Variants in PRRG3 observed in about 807,000 individuals in gnomAD.
PRRG3 encodes the protein transmembrane gamma-carboxyglutamic acid protein 3.
In PRRG3, 21 loss-of-function variants were observed where a neutral mutation model predicts 15.8. That is an observed-to-expected ratio of 1.33 (90% CI 0.94 to 1.92). PRRG3 has a LOEUF of 1.92. PRRG3 is among the 40% of genes most tolerant of loss of function. The probability of loss-of-function intolerance (pLI) is 0.00; values close to 1 mark genes in which losing one functional copy is unlikely to be tolerated. For synonymous variants in PRRG3, 125 were observed against 84.1 expected, an observed-to-expected ratio of 1.49 and a Z score of -2.66; for missense variants, 251 against 200.2, an observed-to-expected ratio of 1.25 and a Z score of -1.53.
upstream of PRRG3, chrX:151,695,309 G>A (rs1427223192): frequency 1.8e-5 from 2 of 111,074 alleles, no homozygotes; most frequent in African/African-American, 6.5e-5. Context: ...CGGCTGCGAG[G>A]GGCGGGGGTT....
In PRRG3 at chrX:151,702,326, G is replaced by A. The variant is rs2014900224; in HGVS notation, c.*1293G>A. On this transcript the variant is annotated 3_prime_UTR_variant, in exon 4 of 4. Coordinates refer to ENST00000674457, the MANE Select transcript of PRRG3 (RefSeq NM_001372163.1). ...AATATCTCTCTAAGGCAGACATTGGGACTCATTTCCTTGAATGCAGCCCTG... is the reference window on the plus strand; with the variant it reads ...AATATCTCTCTAAGGCAGACATTGGAACTCATTTCCTTGAATGCAGCCCTG... 8.9e-6 allele frequency: 1 copy of A among 112,428 alleles called. No homozygotes were observed. Among genetic ancestry groups the A allele is most frequent in the Non-Finnish European group, 1.9e-5 (1 of 53,301 alleles). The allele number at this position is 112,428 out of a possible 1,213,427, so 9.3% of individuals were successfully genotyped here. A position where few individuals can be genotyped will look rare whatever the true frequency, so the allele number is the denominator to read the frequency against.
At position 151,704,743 on chromosome X, in the gene PRRG3, G is replaced by C. The variant is rs1466728791; in HGVS notation, c.*3710G>C. ...GACAAGTAATGAAGCTCCATTTCAGGACTTCATCGATTCCGAAACAAGCAC... is the reference window on the plus strand; with the variant it reads ...GACAAGTAATGAAGCTCCATTTCAGCACTTCATCGATTCCGAAACAAGCAC... On this transcript the variant is annotated 3_prime_UTR_variant, in exon 4 of 4. Coordinates refer to ENST00000674457, the MANE Select transcript of PRRG3 (RefSeq NM_001372163.1). The C allele has an allele frequency of 9.0e-6, 1 of 111,244 alleles. No homozygotes were observed. The highest frequency in any genetic ancestry group is 3.3e-5 in the African/African-American group (1 of 30,316). 9.2% of individuals were successfully genotyped at this position (111,244 alleles called of 1,213,427 possible).
At chrX:151,698,690 G>C in intron 1 of PRRG3, 94 bp from the exon 2 acceptor site, 1 of 661,959 alleles carries the variant, frequency 1.5e-6, no homozygotes, top group South Asian at 2.8e-5. Context: ...TTTTGACCAC[G>C]CCAGTGGGAG....
rs766033689 is a variant in PRRG3, at chrX:151,700,120, G to A, written c.132G>A (p.Glu44=). ...RECMEEICSY[E]EVKEVFENKE... ...GCATGGAGGAGATCTGCAGCTACGA[G>A]GAGGTCAAGGAAGTGTTTGAGAACA... Residue 44 remains glutamate, a synonymous_variant, in exon 3 of 4, where the codon GAG becomes GAA. Transcript: ENST00000674457. The A allele has an allele frequency of 9.9e-6, 12 of 1,210,368 alleles. No individual in the cohort carries two copies. The highest frequency in any genetic ancestry group is 1.3e-5 in the Non-Finnish European group (12 of 895,376).
chrX:151,698,231 A>T (rs1025138323), intron 1 of PRRG3: 1 of 112,158 alleles, frequency 8.9e-6, no homozygotes. Context: ...GAGATGGTTG[A>T]TGCTGTGTTA....
intron 2 of PRRG3, 100 bp downstream of exon 2, chrX:151,698,921 C>A (rs1322983512): frequency 5.0e-6 from 4 of 795,668 alleles, no homozygotes; most frequent in African/African-American, 2.0e-5. Context: ...CCCTACCCCC[C>A]AAGTGGGCCT....
chrX:151,695,590 G>A (rs1384293384), intron 1 of PRRG3, 46 bp downstream of exon 1: 1 of 112,148 alleles, frequency 8.9e-6, no homozygotes, highest in Non-Finnish European at 1.9e-5. Context: ...GGCACGGTTC[G>A]GTATCCAGGG....
Position 151,698,798 on chromosome X carries a change from G to T in PRRG3, c.-17G>T. The T allele has an allele frequency of 8.3e-7, 1 of 1,205,371 alleles. No homozygotes were observed. The highest frequency in any genetic ancestry group is 1.1e-6 in the Non-Finnish European group (1 of 891,368). On this transcript the variant is annotated 5_prime_UTR_variant, in exon 2 of 4. Transcript: ENST00000674457. ...TCTTACTCCAGAGAAGTGAGACCCT[G>T]CAGCTGAGGGAGCATCATGGCAGGT...
At position 151,701,949 on chromosome X, in the gene PRRG3, G is replaced by C. The variant is rs1035821705; in HGVS notation, c.*916G>C. On this transcript the variant is annotated 3_prime_UTR_variant, in exon 4 of 4. Coordinates refer to ENST00000674457, the MANE Select transcript of PRRG3 (RefSeq NM_001372163.1). ...GCGCATCTCAGGAGAAGATCCTAAA[G>C]TGTCCCTTTTAAAACATTTATTTGT... 8.9e-6 allele frequency: 1 copy of C among 112,693 alleles called. No homozygotes were observed. The highest frequency in any genetic ancestry group is 3.2e-5 in the African/African-American group (1 of 31,008). The allele number at this position is 112,693 out of a possible 1,213,427, so 9.3% of individuals were successfully genotyped here. A position where few individuals can be genotyped will look rare whatever the true frequency, so the allele number is the denominator to read the frequency against.
chrX:151,703,304 CTG>C lies in PRRG3; in HGVS notation c.*2273_*2274del, dbSNP rs1028215865. The C allele has an allele frequency of 8.9e-6, 1 of 112,314 alleles. No individual in the cohort carries two copies. Among genetic ancestry groups the C allele is most frequent in the African/African-American group, 3.2e-5 (1 of 30,870 alleles). 9.3% of individuals were successfully genotyped at this position (112,314 alleles called of 1,213,427 possible). A position where few individuals can be genotyped will look rare whatever the true frequency, so the allele number is the denominator to read the frequency against. ...TCTGCAGCACATTGTAGAAAAAAGA[CTG>C]TACAGCACACAGCAGGCATCACTCC... On this transcript the variant is annotated 3_prime_UTR_variant, in exon 4 of 4. Coordinates refer to ENST00000674457, the MANE Select transcript of PRRG3 (RefSeq NM_001372163.1).
At chrX:151,698,650 C>T (rs925329820) in intron 1 of PRRG3, 134 bp from the exon 2 acceptor site, 2 of 427,158 alleles carry the variant, frequency 4.7e-6, no homozygotes, top group Non-Finnish European at 8.0e-6. Context: ...GCATGGAGGA[C>T]GACGCACCCC....
In PRRG3 at chrX:151,695,536, C is replaced by A. The variant is rs1453174436; in HGVS notation, c.-40C>A. The A allele has an allele frequency of 1.8e-5, 2 of 111,956 alleles. No individual in the cohort carries two copies. Among genetic ancestry groups the A allele is most frequent in the Non-Finnish European group, 3.8e-5 (2 of 53,096 alleles). The allele number at this position is 111,956 out of a possible 1,213,427, so 9.2% of individuals were successfully genotyped here. A position where few individuals can be genotyped will look rare whatever the true frequency, so the allele number is the denominator to read the frequency against. ...AAACAGGGCGGCCGCCTTCTGGGCCCGGAGAACGGTGAGGCCATTTGGGTT... is the reference window on the plus strand; with the variant it reads ...AAACAGGGCGGCCGCCTTCTGGGCCAGGAGAACGGTGAGGCCATTTGGGTT... On this transcript the variant is annotated 5_prime_UTR_variant, in exon 1 of 4. Transcript: ENST00000674457.
intron 1 of PRRG3, 130 bp from the exon 2 acceptor site, chrX:151,698,654 G>A (rs752747422): frequency 2.5e-5 from 11 of 438,398 alleles, no homozygotes; most frequent in Non-Finnish European, 3.5e-5. Context: ...GGAGGACGAC[G>A]CACCCCACAA....
upstream of PRRG3, chrX:151,695,360 C>A (rs1316310553): frequency 9.1e-6 from 1 of 109,488 alleles, no homozygotes; most frequent in Non-Finnish European, 1.9e-5. Flanking sequence ...CGACAGGGTG[C>A]CCGGGGCGGT....
chrX:151,697,938 G>T (rs2014796277), intron 1 of PRRG3, among the ~76,000 whole-genome samples: 1 of 110,520 alleles, frequency 9.0e-6, no homozygotes, highest in Non-Finnish European at 1.9e-5. Flanking sequence ...GGCAACTCTT[G>T]TAGTTAGCGT....
At chrX:151,694,984 C>A (rs1190501444), upstream of PRRG3, 1 of 109,069 alleles carries the variant, frequency 9.2e-6, no homozygotes. Context: ...GAGTGGGGCG[C>A]GGGCGCGCGG....
chrX:151,698,746 T>C, intron 1 of PRRG3, 38 bp from the exon 2 acceptor site: 1 of 1,074,064 alleles, frequency 9.3e-7, no homozygotes, highest in South Asian at 2.0e-5. Flanking sequence ...AATTTCTAGA[T>C]GTGGTTTCAC....
intron 2 of PRRG3, among the ~76,000 whole-genome samples, 183 bp downstream of exon 2, chrX:151,699,004 CACTTGTAGATGTGTACCT>C (rs1487895545): frequency 8.9e-6 from 1 of 112,425 alleles, no homozygotes; most frequent in Non-Finnish European, 1.9e-5. Context: ...AAGTATATGT[CACTTGTAGATGTGTACCT>C]ACCCAGGCTT....
chrX:151,696,722 T>C lies in PRRG3; in HGVS notation c.-32+1178T>C, dbSNP rs780160372. Among the ~76,000 whole-genome samples the C allele has an allele frequency of 3.6e-5, 4 of 110,834 alleles. No homozygotes were observed. In the South Asian group the frequency reaches 1.6e-3, roughly 43 times the overall value. On this transcript the variant is annotated intron_variant, in intron 1 of 3. Transcript: ENST00000674457. ...AGCAAAAAATCCTTGCCATGAGGCATACTATATCCACACCCTCACCACATA... is the reference window on the plus strand; with the variant it reads ...AGCAAAAAATCCTTGCCATGAGGCACACTATATCCACACCCTCACCACATA...
Sources: allele counts gnomAD v4.1 joint callset (sites outside exome capture counted in the v4.1 genomes callset), GRCh38; gene constraint gnomAD v4.1.1; transcripts MANE v1.5; gene names NCBI Gene and HGNC (gene_info 2026-07-23, HGNC 2026-07-21).